CACNA2D3: variants seen among roughly 807,000 people sequenced by gnomAD.
The protein encoded by CACNA2D3 is calcium voltage-gated channel auxiliary subunit alpha2delta 3, also known as voltage-dependent calcium channel subunit alpha-2/delta-3.
CACNA2D3 carries 60 observed loss-of-function variants against 160.6 expected under a neutral mutation model. The ratio of observed to expected loss-of-function variants is 0.37; its 90% CI spans 0.30 to 0.46. CACNA2D3 has a LOEUF of 0.46. Ranked by LOEUF, CACNA2D3 falls within the 20% of genes least tolerant of loss-of-function variation. The probability of loss-of-function intolerance (pLI) is 1.00; values close to 1 mark genes in which losing one functional copy is unlikely to be tolerated. For synonymous variants in CACNA2D3, 558 were observed against 492.9 expected (o/e 1.13, Z -1.75); for missense variants, 1,205 against 1,365.0 (o/e 0.88, Z 1.85).
rs1298502266 is a variant in CACNA2D3 at position 54,918,478 on chromosome 3, A to G, written c.2449+18610A>G. ...AAGCTCTCAGGCTGGTGAGCTGTCA[A>G]ATCGCTCTTTTTCTTCCACCTTCCC... On this transcript the variant is annotated intron_variant, in intron 27 of 37. Coordinates refer to ENST00000474759, the MANE Select transcript of CACNA2D3 (RefSeq NM_018398.3). The G allele has an allele frequency of 1.4e-5, 23 of 1,613,528 alleles. No homozygotes were observed. Among genetic ancestry groups the G allele is most frequent in the Admixed American group, 8.3e-5 (5 of 59,966 alleles).
At chr3:54,763,731 A>G in intron 12 of CACNA2D3, among the ~76,000 whole-genome samples, 1 of 90,588 alleles carries the variant, frequency 1.1e-5, no homozygotes, top group South Asian at 3.8e-4. Context: ...ATATACATAT[A>G]TATGTGTATA....
At chr3:54,529,620 C>A (rs1221306512) in intron 5 of CACNA2D3, among the ~76,000 whole-genome samples, 1 of 152,104 alleles carries the variant, frequency 6.6e-6, no homozygotes, top group African/African-American at 2.4e-5. Context: ...GAGGCTTCTC[C>A]CTGGCAGAGG....
At chr3:54,232,606 T>C (rs1483061891) in intron 2 of CACNA2D3, among the ~76,000 whole-genome samples, 1 of 152,140 alleles carries the variant, frequency 6.6e-6, no homozygotes, top group African/African-American at 2.4e-5. Flanking sequence ...TTTGAACACA[T>C]TCCCCAACTC....
chr3:54,833,655 A>G (rs931806521), intron 14 of CACNA2D3, among the ~76,000 whole-genome samples: 8 of 152,160 alleles, frequency 5.3e-5, no homozygotes, highest in African/African-American at 1.2e-4. Flanking sequence ...ATGCCTTTCA[A>G]TCATAAAGTG....
In CACNA2D3 at chr3:54,588,566, CAAA is replaced by C. The variant is rs58272868; in HGVS notation, c.963+6694_963+6696del. ...TAGAAAATCTCAAAGAATCTACACACAAAAAAATTTCCTAGAACTAATAAGAGA... is the reference window on the plus strand; with the variant it reads ...TAGAAAATCTCAAAGAATCTACACACAAAATTTCCTAGAACTAATAAGAGA... On this transcript the variant is annotated intron_variant, in intron 9 of 37. Coordinates refer to ENST00000474759, the MANE Select transcript of CACNA2D3 (RefSeq NM_018398.3). Among the ~76,000 whole-genome samples, 268 of 152,070 alleles carry C rather than the reference CAAA, an allele frequency of 1.8e-3. 2 individuals are homozygous for C. The highest frequency in any genetic ancestry group is 6.1e-3 in the African/African-American group (255 of 41,506).
rs542365013 is a variant in CACNA2D3, at chr3:54,926,466, G to T, written c.2449+26598G>T. On this transcript the variant is annotated intron_variant, in intron 27 of 37. Coordinates refer to ENST00000474759, the MANE Select transcript of CACNA2D3 (RefSeq NM_018398.3). ...TCCACTTTTCCTCCCTCCAGAGTCT[G>T]TCAGAGTTCTTATCTACTGTGCTCC... Among the ~76,000 whole-genome samples, 178 of 150,268 alleles carry T rather than the reference G, an allele frequency of 1.2e-3. 1 individual carries two copies. The highest frequency in any genetic ancestry group is 4.2e-3 in the African/African-American group (171 of 40,894).
At chr3:54,593,343 G>C (rs1702896133) in intron 9 of CACNA2D3, among the ~76,000 whole-genome samples, 1 of 151,934 alleles carries the variant, frequency 6.6e-6, no homozygotes, top group South Asian at 2.1e-4. Context: ...TTTCAGAATA[G>C]TATGGTTCAT....
intron 9 of CACNA2D3, among the ~76,000 whole-genome samples, chr3:54,602,541 AGC>A: frequency 6.6e-6 from 1 of 150,490 alleles, no homozygotes. Flanking sequence ...GAAAAAAGAG[AGC>A]AGCAGCAGAG....
intron 12 of CACNA2D3, among the ~76,000 whole-genome samples, chr3:54,761,100 C>T (rs1022843747): frequency 1.3e-5 from 2 of 152,152 alleles, no homozygotes; most frequent in African/African-American, 4.8e-5. Context: ...CCTGTCCCTC[C>T]CACCCTCCTC....
intron 8 of CACNA2D3, among the ~76,000 whole-genome samples, chr3:54,570,507 G>A (rs6773058): frequency 0.34 from 51,062 of 151,624 alleles, 9,472 homozygotes; most frequent in Middle Eastern, 0.43. Context: ...GATAATAATT[G>A]ATAATAATAA....
chr3:54,451,894 C>T (rs749907062), intron 4 of CACNA2D3, among the ~76,000 whole-genome samples: 5 of 152,070 alleles, frequency 3.3e-5, no homozygotes, highest in Non-Finnish European at 7.3e-5. Context: ...AATTTTATAC[C>T]ACTCTGTATC....
At chr3:54,404,458 GT>G (rs1015274506) in intron 4 of CACNA2D3, among the ~76,000 whole-genome samples, 1 of 152,084 alleles carries the variant, frequency 6.6e-6, no homozygotes, top group African/African-American at 2.4e-5. Flanking sequence ...ACTCTTAACA[GT>G]TTAGGTATAG....
At chr3:55,021,588 G>T (rs1316621599) in intron 35 of CACNA2D3, among the ~76,000 whole-genome samples, 1 of 146,014 alleles carries the variant, frequency 6.8e-6, no homozygotes, top group Admixed American at 6.8e-5. Flanking sequence ...GCATTCCAGT[G>T]CATCTCTAAA....
chr3:54,813,050 T>C (rs1703360591), intron 13 of CACNA2D3, among the ~76,000 whole-genome samples: 6 of 152,212 alleles, frequency 3.9e-5, no homozygotes, highest in African/African-American at 1.2e-4. Flanking sequence ...TTCTCCATGT[T>C]TGAATGTGAA....
intron 17 of CACNA2D3, among the ~76,000 whole-genome samples, chr3:54,857,555 G>A (rs563940560): frequency 6.6e-5 from 10 of 152,310 alleles, no homozygotes; most frequent in Middle Eastern, 3.4e-3. Flanking sequence ...ACAGTTGCCC[G>A]TAGTGGTAAC....
At chr3:54,977,686 G>T (rs530532230) in intron 29 of CACNA2D3, among the ~76,000 whole-genome samples, 1 of 152,216 alleles carries the variant, frequency 6.6e-6, no homozygotes, top group Admixed American at 6.5e-5. Context: ...ACTCAACAGA[G>T]GTTAGCCGCC....
chr3:54,690,967 G>A (rs1262266562), intron 11 of CACNA2D3, among the ~76,000 whole-genome samples: 1 of 152,076 alleles, frequency 6.6e-6, no homozygotes, highest in Non-Finnish European at 1.5e-5. Context: ...CTATTTTATG[G>A]TGGTGTGTGG....
At chr3:54,917,121 A>G (rs1232296565) in intron 27 of CACNA2D3, among the ~76,000 whole-genome samples, 1 of 152,258 alleles carries the variant, frequency 6.6e-6, no homozygotes, top group East Asian at 1.9e-4. Flanking sequence ...GGTAGATTCC[A>G]CTTTAAGAAA....
chr3:54,515,824 C>T (rs544251007), intron 5 of CACNA2D3, among the ~76,000 whole-genome samples: 2 of 152,328 alleles, frequency 1.3e-5, no homozygotes, highest in Non-Finnish European at 2.9e-5. Context: ...AAGGGTCACA[C>T]TGGAAACTGG....
Sources: allele counts gnomAD v4.1 joint callset (sites outside exome capture counted in the v4.1 genomes callset), GRCh38; gene constraint gnomAD v4.1.1; transcripts MANE v1.5; gene names NCBI Gene and HGNC (gene_info 2026-07-23, HGNC 2026-07-21).